The following ABCC2 variants were observed in gnomAD, a reference collection of about 807,000 sequenced individuals.
ABCC2 encodes ATP-binding cassette sub-family C member 2.
A neutral mutation model predicts 173.4 loss-of-function variants in ABCC2; 157 were observed. The ratio of observed to expected loss-of-function variants is 0.91; its 90% confidence interval spans 0.80 to 1.03. The LOEUF (loss-of-function observed/expected upper bound fraction) is 1.03, where lower values mean the gene tolerates loss of function less well. Ranked by LOEUF, ABCC2 falls within the 50% of genes least tolerant of loss-of-function variation. The pLI is 0.00. For synonymous variants in ABCC2, 657 were observed against 693.5 expected (o/e 0.95, Z 0.83); for missense variants, 1,822 against 1,852.3 (o/e 0.98, Z 0.30).
In ABCC2 at chr10:99,836,129, G is replaced by A; in HGVS notation, c.3453G>A (p.Leu1151=). 1 of 1,614,100 alleles carries A rather than the reference G, an allele frequency of 6.2e-7. No homozygotes were observed. Among genetic ancestry groups the A allele is most frequent in the Non-Finnish European group, 8.5e-7 (1 of 1,180,020 alleles). ...CTACCTCCCGCCAGCTGAGGCGTCTGGACTCTGTCACCAGGTCCCCAATCT... is the reference window on the plus strand; with the variant it reads ...CTACCTCCCGCCAGCTGAGGCGTCTAGACTCTGTCACCAGGTCCCCAATCT... ...YVSTSRQLRR[L]DSVTRSPIYS... is the part of the protein sequence containing the mutation. The change falls in exon 25 of 32, where the codon CTG becomes CTA. Residue 1151 remains leucine (L), a synonymous_variant. Coordinates refer to ENST00000647814, the MANE Select transcript of ABCC2 (RefSeq NM_000392.5).
rs1009703695 is a variant in ABCC2 at position 99,792,495 on chromosome 10, G to C, written c.333+136G>C. On this transcript the variant is annotated intron_variant, in intron 3 of 31. Transcript: ENST00000647814. ...CGGGATCCATAGTGAGGCAAAGCTT[G>C]GTTGGAATGGGGTGAAACAAATTTT... 1.3e-5 allele frequency: 18 copies of C among 1,366,990 alleles called. No homozygotes were observed. In the African/African-American group the frequency reaches 2.3e-4, roughly 17 times the overall value. The allele number at this position is 1,366,990 out of a possible 1,614,324, so 84.7% of individuals were successfully genotyped here. A position where few individuals can be genotyped will look rare whatever the true frequency, so the allele number is the denominator to read the frequency against.
At position 99,804,104 on chromosome 10, in the gene ABCC2, T is replaced by A. The variant is rs780593937; in HGVS notation, c.1295T>A (p.Met432Lys). 1.8e-5 allele frequency: 29 copies of A among 1,614,058 alleles called. No homozygotes were observed. The highest frequency in any genetic ancestry group is 3.3e-4 in the Middle Eastern group (2 of 6,084). ...NLMSVDAQKL[M>K]DVTNFMHMLW... is the part of the protein sequence containing the mutation. ...ATGTCTGTGGATGCCCAGAAGCTCA[T>A]GGATGTGACCAACTTCATGCACATG... Residue 432 changes from methionine to lysine, a missense_variant, in exon 10 of 32, where the codon ATG becomes AAG. Transcript: ENST00000647814.
chr10:99,803,839 G>A (rs2038051696), intron 9 of ABCC2, among the ~76,000 whole-genome samples, 180 bp from the exon 10 acceptor site: 1 of 152,086 alleles, frequency 6.6e-6, no homozygotes, highest in Non-Finnish European at 1.5e-5. Context: ...AGGAAAGAGT[G>A]GTCAAGAATG....
rs1037358701 is a variant in ABCC2 at position 99,794,315 on chromosome 10, A to G, written c.577-98A>G. 3.5e-6 allele frequency: 4 copies of G among 1,154,806 alleles called. No individual in the cohort carries two copies. In the African/African-American group the frequency reaches 6.1e-5, roughly 18 times the overall value. The allele number at this position is 1,154,806 out of a possible 1,614,324, so 71.5% of individuals were successfully genotyped here. ...TTTAACATCATATCTAGTTTCTAGC[A>G]CAACATTATATCATTAAAAAATCAG... On this transcript the variant is annotated intron_variant, in intron 5 of 31. Transcript: ENST00000647814.
chr10:99,830,507 G>A (rs2038720212), intron 20 of ABCC2, 74 bp downstream of exon 20: 2 of 1,607,702 alleles, frequency 1.2e-6, no homozygotes, highest in East Asian at 2.2e-5. Context: ...TTCTTCCTGG[G>A]CTTTTCCTGT....
chr10:99,793,866 T>C (rs1564670944), intron 4 of ABCC2, 26 bp from the exon 5 acceptor site: 1 of 1,600,564 alleles, frequency 6.2e-7, no homozygotes, highest in Middle Eastern at 1.7e-4. Flanking sequence ...AAGGCTCATT[T>C]TTCCTCTTTG....
intron 16 of ABCC2, among the ~76,000 whole-genome samples, chr10:99,814,487 A>G (rs184061847): frequency 2.2e-5 from 3 of 133,542 alleles, no homozygotes; most frequent in Non-Finnish European, 4.9e-5. Context: ...ATATACATAC[A>G]CACAAACATA....
Position 99,813,057 on chromosome 10 carries a change from G to A in ABCC2, c.2007G>A (p.Val669=). The change falls in exon 16 of 32, where the codon GTG becomes GTA. Residue 669 remains valine (V), a synonymous_variant. Coordinates refer to ENST00000647814, the MANE Select transcript of ABCC2 (RefSeq NM_000392.5). ...LDIMAGQLVA[V]IGPVGSGKSS... ...TTATGGCAGGCCAACTTGTGGCTGTGATAGGCCCTGTCGGCTCTGGGAAAT... is the reference window on the plus strand; with the variant it reads ...TTATGGCAGGCCAACTTGTGGCTGTAATAGGCCCTGTCGGCTCTGGGAAAT... 5 of 1,614,004 alleles carry A rather than the reference G, an allele frequency of 3.1e-6. No homozygotes were observed. Among genetic ancestry groups the A allele is most frequent in the Non-Finnish European group, 4.2e-6 (5 of 1,179,870 alleles).
In ABCC2 at chr10:99,804,214, G is replaced by A. The variant is rs140048023; in HGVS notation, c.1405G>A (p.Val469Met). Residue 469 changes from valine to methionine, a missense_variant, in exon 10 of 32, where the codon GTG becomes ATG. Physicochemically the swap from Val to Met is conservative, Grantham distance 21. Transcript: ENST00000647814. ...ACCCTCAGTCTTAGCAGGTGTTGGG[G>A]TGATGGTGCTTGTAATCCCAATTAA... ...LGPSVLAGVGVMVLVIPINAI... is the reference protein window; with the variant it reads ...LGPSVLAGVGMMVLVIPINAI... The A allele has an allele frequency of 1.2e-6, 2 of 1,614,018 alleles. No homozygotes were observed. Among genetic ancestry groups the A allele is most frequent in the Non-Finnish European group, 8.5e-7 (1 of 1,180,020 alleles).
In ABCC2 at chr10:99,804,170, T is replaced by C. The variant is rs761736186; in HGVS notation, c.1361T>C (p.Phe454Ser). 16 of 1,614,166 alleles carry C rather than the reference T, an allele frequency of 9.9e-6. No homozygotes were observed. In the South Asian group the frequency reaches 1.8e-4, roughly 18 times the overall value. The change falls in exon 10 of 32, where the codon TTC becomes TCC. Residue 454 changes from phenylalanine to serine, a missense_variant. By Grantham distance (155) the Phe-to-Ser change is radical (BLOSUM62 -2). Coordinates refer to ENST00000647814, the MANE Select transcript of ABCC2 (RefSeq NM_000392.5). Reference protein sequence around the residue: ...SVLQIVLSIFFLWRELGPSVL... With the variant: ...SVLQIVLSIFSLWRELGPSVL... ...CTACAGATTGTCTTATCTATCTTCT[T>C]CCTATGGAGAGAGTTGGGACCCTCA...
At chr10:99,798,877 A>T (rs2804398) in intron 7 of ABCC2, among the ~76,000 whole-genome samples, 51,262 of 152,000 alleles carry the variant, frequency 0.34, 8,955 homozygotes, top group Non-Finnish European at 0.38. Context: ...GCATGAAAAG[A>T]ACAGAAAGGA....
Position 99,844,435 on chromosome 10 carries a change from G to A in ABCC2, c.3957G>A (p.Gly1319=). The A allele has an allele frequency of 1.9e-6, 3 of 1,614,116 alleles. No homozygotes were observed. The highest frequency in any genetic ancestry group is 2.5e-6 in the Non-Finnish European group (3 of 1,180,050). Reference sequence around the variant, plus strand: ...CTGAGCTGGATCTGGTCCTCAGAGGGATCACTTGTGACATCGGTAGCATGG... The same window carrying A: ...CTGAGCTGGATCTGGTCCTCAGAGGAATCACTTGTGACATCGGTAGCATGG... ...YRPELDLVLR[G]ITCDIGSMEK... is the part of the protein sequence containing the mutation. Residue 1319 remains glycine (G), a synonymous_variant, in exon 28 of 32, where the codon GGG becomes GGA. Transcript: ENST00000647814.
intron 9 of ABCC2, among the ~76,000 whole-genome samples, chr10:99,801,454 T>A (rs575766131): frequency 6.6e-6 from 1 of 152,324 alleles, no homozygotes; most frequent in East Asian, 1.9e-4. Flanking sequence ...GCCAGGATGG[T>A]CTCGATCTCC....
chr10:99,833,416 G>T (rs2038770457), intron 23 of ABCC2, among the ~76,000 whole-genome samples: 1 of 152,212 alleles, frequency 6.6e-6, no homozygotes, highest in South Asian at 2.1e-4. Flanking sequence ...CATGAGAAAG[G>T]AAACTGTCAT....
chr10:99,816,601 T>A (rs975539110), intron 16 of ABCC2, among the ~76,000 whole-genome samples: 2 of 152,144 alleles, frequency 1.3e-5, no homozygotes, highest in Non-Finnish European at 2.9e-5. Context: ...TTGGTTATAA[T>A]CTTGCTTCTT....
intron 19 of ABCC2, among the ~76,000 whole-genome samples, chr10:99,830,086 G>A (rs1212904378): frequency 1.3e-5 from 2 of 152,124 alleles, no homozygotes; most frequent in Non-Finnish European, 2.9e-5. Flanking sequence ...CTCTTCCAGT[G>A]GAATATTAAT....
intron 6 of ABCC2, among the ~76,000 whole-genome samples, chr10:99,796,615 A>G (rs193002906): frequency 3.3e-5 from 5 of 151,842 alleles, no homozygotes; most frequent in African/African-American, 1.2e-4. Flanking sequence ...AAGCCGGGAG[A>G]TGGAGGTTGC....
At chr10:99,826,695 AC>A (rs932480944) in intron 19 of ABCC2, among the ~76,000 whole-genome samples, 1 of 93,080 alleles carries the variant, frequency 1.1e-5, no homozygotes, top group African/African-American at 4.3e-5. Context: ...CTGTTCTTGT[AC>A]CCCATCAATC....
intron 6 of ABCC2, 129 bp downstream of exon 6, chr10:99,794,597 T>C (rs774655135): frequency 1.1e-6 from 1 of 874,694 alleles, no homozygotes; most frequent in Non-Finnish European, 1.8e-6. Context: ...CAGGCTGGAG[T>C]GCAATGGTGT....
Sources: gnomAD v4.1 joint callset for allele counts (sites outside exome capture counted in the v4.1 genomes callset) on GRCh38, gnomAD v4.1.1 for gene constraint, MANE v1.5 for transcripts, NCBI Gene and HGNC (gene_info 2026-07-23, HGNC 2026-07-21) for gene names.